Variants in SYT10 observed in about 807,000 individuals in gnomAD.
SYT10 encodes the protein synaptotagmin 10.
Under a neutral mutation model 51.1 loss-of-function variants are expected in SYT10, and 31 were observed. That is an observed-to-expected ratio of 0.61 (90% CI 0.46 to 0.82). The LOEUF (loss-of-function observed/expected upper bound fraction) is 0.82, where lower values mean the gene tolerates loss of function less well. Ranked by LOEUF, SYT10 falls within the 40% of genes least tolerant of loss-of-function variation. The pLI, the probability that SYT10 is intolerant of heterozygous loss-of-function variation, is 0.00. For synonymous variants in SYT10, 233 were observed against 225.9 expected, an observed-to-expected ratio of 1.03 and a Z score of -0.28; for missense variants, 603 against 634.0, an observed-to-expected ratio of 0.95 and a Z score of 0.53.
chr12:33,411,359 TTTAAC>T (rs1398960734), intron 2 of SYT10, among the ~76,000 whole-genome samples: 3 of 152,130 alleles, frequency 2.0e-5, no homozygotes, highest in African/African-American at 7.2e-5. Context: ...TAGAGGTGCT[TTTAAC>T]TTATTTGACT....
intron 1 of SYT10, 96 bp from the exon 2 acceptor site, chr12:33,426,591 T>C (rs549339663): frequency 9.1e-7 from 1 of 1,101,004 alleles, no homozygotes; most frequent in Admixed American, 3.5e-5. Context: ...TATTATTTCC[T>C]GATTCAGAAT....
chr12:33,436,831 T>G (rs1278472101), intron 1 of SYT10, among the ~76,000 whole-genome samples: 1 of 152,210 alleles, frequency 6.6e-6, no homozygotes, highest in East Asian at 1.9e-4. Flanking sequence ...CAATACCATC[T>G]GGGCAGTGCT....
At position 33,385,155 on chromosome 12, in the gene SYT10, G is replaced by A; in HGVS notation, c.1198+16C>T. The A allele has an allele frequency of 6.2e-7, 1 of 1,611,852 alleles. No homozygotes were observed. The highest frequency in any genetic ancestry group is 8.5e-7 in the Non-Finnish European group (1 of 1,179,004). ...TTGAGATTGTGCCCTTGGTCCTGTG[G>A]CCATTGTGTACATACCTGATGAGCC... is the stretch of plus-strand genomic sequence containing the variant. On this transcript the variant is annotated intron_variant, in intron 4 of 6. Coordinates refer to ENST00000228567, the MANE Select transcript of SYT10 (RefSeq NM_198992.4).
intron 6 of SYT10, among the ~76,000 whole-genome samples, chr12:33,378,503 G>A (rs9888427): frequency 0.31 from 46,944 of 151,982 alleles, 8,766 homozygotes; most frequent in African/African-American, 0.51. Flanking sequence ...AGTTGGAGAC[G>A]TAGTGAACAG....
chr12:33,396,688 T>C (rs1866258684), intron 3 of SYT10, among the ~76,000 whole-genome samples: 1 of 141,894 alleles, frequency 7.0e-6, no homozygotes, highest in Non-Finnish European at 1.6e-5. Context: ...GGAATTCCAC[T>C]TTTTTTTTTT....
At chr12:33,438,824 G>A (rs1329251358) in intron 1 of SYT10, among the ~76,000 whole-genome samples, 1 of 152,232 alleles carries the variant, frequency 6.6e-6, no homozygotes, top group African/African-American at 2.4e-5. Flanking sequence ...AAATTGTCAG[G>A]TGCCCGACAG....
intron 2 of SYT10, chr12:33,408,319 C>CT (rs1185888808): frequency 1.3e-5 from 2 of 151,952 alleles, no homozygotes. Flanking sequence ...TTCAGAAACT[C>CT]TAAGGATAAA....
rs117154291 is a variant in SYT10 at position 33,403,716 on chromosome 12, G to T, written c.1077+3073C>A. The stretch of plus-strand genomic sequence containing the variant: ...TTTTCTAGAAGACTCAATAATTTCT[G>T]CATGAAATTCTTAAAAATTAATGAC... On this transcript the variant is annotated intron_variant, in intron 3 of 6. Coordinates refer to ENST00000228567, the MANE Select transcript of SYT10 (RefSeq NM_198992.4). 7.9e-3 allele frequency among the ~76,000 whole-genome samples: 1,199 copies of T among 151,864 alleles called. 5 individuals carry two copies. Among genetic ancestry groups the T allele is most frequent in the Non-Finnish European group, 0.012 (834 of 67,976 alleles).
At chr12:33,386,361 C>T (rs769767643) in intron 3 of SYT10, among the ~76,000 whole-genome samples, 2 of 152,086 alleles carry the variant, frequency 1.3e-5, no homozygotes, top group Non-Finnish European at 2.9e-5. Context: ...ACCTTTCTCT[C>T]TAACATTTTT....
At chr12:33,433,644 CAT>C (rs1277444974) in intron 1 of SYT10, among the ~76,000 whole-genome samples, 20 of 152,238 alleles carry the variant, frequency 1.3e-4, no homozygotes, top group African/African-American at 3.9e-4. Flanking sequence ...CTGAAGTACA[CAT>C]GTGTGCATAG....
rs766638845 is a variant in SYT10 at position 33,376,873 on chromosome 12, C to T, written c.1529G>A (p.Ser510Asn). ...TTTAGGAGAAGGGCAGGATCCTTGA[C>T]TATCAAAACTGGTCGCCCGGCCAGG... ...ELPGRATSFD[S>N]QGSCPSPKPP... is the part of the protein sequence containing the mutation. The change falls in exon 7 of 7, where the codon AGT becomes AAT. Residue 510 changes from serine to asparagine, a missense_variant. Coordinates refer to ENST00000228567, the MANE Select transcript of SYT10 (RefSeq NM_198992.4). 3 of 1,613,892 alleles carry T rather than the reference C, an allele frequency of 1.9e-6. No individual in the cohort carries two copies. Among genetic ancestry groups the T allele is most frequent in the African/African-American group, 1.3e-5 (1 of 74,890 alleles).
At chr12:33,401,475 A>T (rs1482881025) in intron 3 of SYT10, among the ~76,000 whole-genome samples, 1 of 152,210 alleles carries the variant, frequency 6.6e-6, no homozygotes, top group African/African-American at 2.4e-5. Flanking sequence ...TTTTGTCAGT[A>T]TCAAATTTCA....
At chr12:33,431,389 T>C (rs1438175791) in intron 1 of SYT10, among the ~76,000 whole-genome samples, 1 of 152,178 alleles carries the variant, frequency 6.6e-6, no homozygotes, top group East Asian at 1.9e-4. Context: ...GGGAAGCAAC[T>C]AGTAGTCACT....
chr12:33,413,043 C>A (rs1317340601), intron 2 of SYT10, among the ~76,000 whole-genome samples: 2 of 152,130 alleles, frequency 1.3e-5, no homozygotes, highest in Non-Finnish European at 2.9e-5. Context: ...AATGCACAAG[C>A]TTCAGTAGCT....
Position 33,407,124 on chromosome 12 carries a change from G to T in SYT10, c.742C>A (p.Leu248Ile). ...TLQYDYENEL[L>I]VVKIIKALDL... is the part of the protein sequence containing the mutation. ...AAAGCTTTGATAATTTTAACAACTA[G>T]AAGTTCATTTTCATAATCATACTGG... Residue 248 changes from leucine (L) to isoleucine (I), a missense_variant, in exon 3 of 7, where the codon CTA becomes ATA. Coordinates refer to ENST00000228567, the MANE Select transcript of SYT10 (RefSeq NM_198992.4). The T allele has an allele frequency of 6.2e-7, 1 of 1,613,706 alleles. No individual in the cohort carries two copies. Among genetic ancestry groups the T allele is most frequent in the Non-Finnish European group, 8.5e-7 (1 of 1,179,918 alleles).
chr12:33,421,282 T>C (rs1199626748), intron 2 of SYT10, among the ~76,000 whole-genome samples: 2 of 152,186 alleles, frequency 1.3e-5, no homozygotes, highest in East Asian at 3.8e-4. Context: ...TCTTCCCATG[T>C]ACATTTTCCT....
Position 33,426,208 on chromosome 12 carries a change from C to A in SYT10, c.439G>T (p.Ala147Ser). The A allele has an allele frequency of 1.2e-6, 2 of 1,613,760 alleles. No individual in the cohort carries two copies. The highest frequency in any genetic ancestry group is 1.1e-5 in the South Asian group (1 of 91,014). ...TGTTTAATTAAATGTTCTTTTAAAG[C>A]AGTTTGGACTTCTGCTGGGATGTCA... ...SPDIPAEVQTALKEHLIKHAR... is the reference protein window; with the variant it reads ...SPDIPAEVQTSLKEHLIKHAR... Residue 147 changes from alanine to serine, a missense_variant, in exon 2 of 7, where the codon GCT becomes TCT. Coordinates refer to ENST00000228567, the MANE Select transcript of SYT10 (RefSeq NM_198992.4).
intron 1 of SYT10, among the ~76,000 whole-genome samples, chr12:33,426,912 A>G (rs1395929720): frequency 6.6e-6 from 1 of 152,244 alleles, no homozygotes; most frequent in African/African-American, 2.4e-5. Flanking sequence ...CTAGGCAGAG[A>G]ATCATATTAA....
chr12:33,387,126 T>C (rs951143661), intron 3 of SYT10, among the ~76,000 whole-genome samples: 2 of 152,170 alleles, frequency 1.3e-5, no homozygotes, highest in African/African-American at 4.8e-5. Flanking sequence ...GGTCTTAAAC[T>C]TTTTTCATGA....
Sources: gnomAD v4.1 joint callset for allele counts (sites outside exome capture counted in the v4.1 genomes callset) on GRCh38, gnomAD v4.1.1 for gene constraint, MANE v1.5 for transcripts, NCBI Gene and HGNC (gene_info 2026-07-23, HGNC 2026-07-21) for gene names.